Variants in WAC observed in about 807,000 individuals in gnomAD.
WAC encodes the protein WW domain containing adaptor with coiled-coil, also known as WW domain-containing adapter protein with coiled-coil.
A neutral mutation model predicts 79.6 loss-of-function variants in WAC; 11 were observed. The ratio of observed to expected loss-of-function variants is 0.14; its 90% CI spans 0.09 to 0.23. The LOEUF is 0.23. WAC is among the 10% of genes least tolerant of loss of function. The pLI, the probability that WAC is intolerant of heterozygous loss-of-function variation, is 1.00. For missense variants in WAC, 728 were observed against 773.5 expected, an observed-to-expected ratio of 0.94 and a Z score of 0.70; for synonymous variants, 304 against 276.9, an observed-to-expected ratio of 1.10 and a Z score of -0.97.
chr10:28,569,038 C>T (rs1838803865), intron 3 of WAC, among the ~76,000 whole-genome samples: 1 of 152,086 alleles, frequency 6.6e-6, no homozygotes, highest in Admixed American at 6.6e-5. Context: ...GTGTAAGAGG[C>T]ACATTTATTG....
chr10:28,613,425 G>A (rs767819616), intron 10 of WAC, among the ~76,000 whole-genome samples: 7 of 151,958 alleles, frequency 4.6e-5, no homozygotes, highest in Non-Finnish European at 1.0e-4. Context: ...AATCACCTGC[G>A]CCTGGGAATT....
rs76913662 is a variant in WAC at position 28,619,773 on chromosome 10, T to C, written c.*167T>C. The C allele has an allele frequency of 2.4e-3, 1,259 of 522,068 alleles. 12 individuals carry two copies. The highest frequency in any genetic ancestry group is 0.024 in the African/African-American group (1,176 of 49,696). 32.3% of individuals were successfully genotyped at this position (522,068 alleles called of 1,614,324 possible). On this transcript the variant is annotated 3_prime_UTR_variant, in exon 14 of 14. Transcript: ENST00000354911. ...GTCAATTCAGGGGAAAGATACAAGA[T>C]TGATTTGTAAAACCCTTGAAATGTA...
At chr10:28,561,942 T>C (rs1412241399) in intron 3 of WAC, among the ~76,000 whole-genome samples, 3 of 152,150 alleles carry the variant, frequency 2.0e-5, no homozygotes, top group Non-Finnish European at 4.4e-5. Flanking sequence ...TCTACCCTCA[T>C]TGAATTGGAA....
chr10:28,538,815 GGTT>G (rs1387683238), intron 3 of WAC, among the ~76,000 whole-genome samples: 1 of 148,038 alleles, frequency 6.8e-6, no homozygotes, highest in Non-Finnish European at 1.5e-5. Context: ...AGTGAGCTGT[GGTT>G]GTGCCACCAC....
At chr10:28,572,553 T>A (rs1839032214) in intron 3 of WAC, among the ~76,000 whole-genome samples, 1 of 152,042 alleles carries the variant, frequency 6.6e-6, no homozygotes, top group South Asian at 2.1e-4. Context: ...GGCTCACACC[T>A]GTAATCCCAC....
intron 7 of WAC, among the ~76,000 whole-genome samples, chr10:28,604,941 A>G (rs1840866076): frequency 6.6e-6 from 1 of 152,248 alleles, no homozygotes; most frequent in South Asian, 2.1e-4. Context: ...ACCTCTCAGA[A>G]TAGCATTTTA....
chr10:28,595,796 G>A lies in WAC; in HGVS notation c.674G>A (p.Ser225Asn). ...LLPQNILSQT[S>N]RHNDRDYRLP... ...CCACAGAATATTTTGTCTCAAACAA[G>A]CAGACACAATGACAGAGACTACAGA... The change falls in exon 7 of 14, where the codon AGC becomes AAC. Residue 225 changes from serine to asparagine, a missense_variant. Coordinates refer to ENST00000354911, the MANE Select transcript of WAC (RefSeq NM_016628.5). 1.2e-6 allele frequency: 2 copies of A among 1,614,074 alleles called. No homozygotes were observed. Among genetic ancestry groups the A allele is most frequent in the South Asian group, 2.2e-5 (2 of 91,080 alleles).
intron 6 of WAC, among the ~76,000 whole-genome samples, chr10:28,594,127 T>C (rs752245319): frequency 5.9e-5 from 9 of 152,298 alleles, no homozygotes; most frequent in Non-Finnish European, 1.2e-4. Flanking sequence ...AGAAAGCTGT[T>C]ACAGCTATAG....
At chr10:28,535,786 C>T (rs749648133) in intron 3 of WAC, 29 bp downstream of exon 3, 5 of 1,572,104 alleles carry the variant, frequency 3.2e-6, no homozygotes, top group African/African-American at 1.4e-5. Context: ...GAAACTTTGA[C>T]ATACAGTTTT....
At chr10:28,599,815 G>A (rs1840553352) in intron 7 of WAC, among the ~76,000 whole-genome samples, 1 of 152,094 alleles carries the variant, frequency 6.6e-6, no homozygotes, top group South Asian at 2.1e-4. Flanking sequence ...AAGGGAGTGA[G>A]GTGACCCCAT....
chr10:28,533,761 C>A (rs1320804666), intron 1 of WAC, 141 bp downstream of exon 1: 5 of 775,024 alleles, frequency 6.5e-6, no homozygotes, highest in Middle Eastern at 8.2e-4. Context: ...GGAGCGGCCG[C>A]GCGGGCGGGC....
At position 28,608,311 on chromosome 10, in the gene WAC, C is replaced by A; in HGVS notation, c.1045C>A (p.Pro349Thr). ...TTCAGCGGTCCCTGTTTCTCCTGTTCCACAGTCGCCAATACCTCCCTTACT... is the reference window on the plus strand; with the variant it reads ...TTCAGCGGTCCCTGTTTCTCCTGTTACACAGTCGCCAATACCTCCCTTACT... ...SASAVPVSPV[P>T]QSPIPPLLQD... Residue 349 changes from proline to threonine, a missense_variant, in exon 8 of 14, where the codon CCA becomes ACA. By Grantham distance (38) the Pro-to-Thr change is conservative (BLOSUM62 -1). This residue lies in a region of WAC where 648 missense variants were observed against 661.5 expected (regional missense o/e 0.98). Transcript: ENST00000354911. 1 of 1,614,160 alleles carries A rather than the reference C, an allele frequency of 6.2e-7. No homozygotes were observed. The highest frequency in any genetic ancestry group is 8.5e-7 in the Non-Finnish European group (1 of 1,180,016).
At position 28,620,311 on chromosome 10, in the gene WAC, T is replaced by G. The variant is rs1291976223; in HGVS notation, c.*705T>G. On this transcript the variant is annotated 3_prime_UTR_variant, in exon 14 of 14. Coordinates refer to ENST00000354911, the MANE Select transcript of WAC (RefSeq NM_016628.5). ...ATTCCTGTGTACAGTAGCTTAAAAT[T>G]GCAGTGATTGAGCATAACCTACTTG... 1.3e-5 allele frequency: 2 copies of G among 152,658 alleles called. No homozygotes were observed. The highest frequency in any genetic ancestry group is 2.9e-5 in the Non-Finnish European group (2 of 68,050). The allele number at this position is 152,658 out of a possible 1,614,324, so 9.5% of individuals were successfully genotyped here. A position where few individuals can be genotyped will look rare whatever the true frequency, so the allele number is the denominator to read the frequency against.
At chr10:28,545,169 T>G (rs1837286902) in intron 3 of WAC, among the ~76,000 whole-genome samples, 1 of 151,768 alleles carries the variant, frequency 6.6e-6, no homozygotes, top group African/African-American at 2.4e-5. Context: ...TTACCCAGAA[T>G]CAAAGCAATA....
At chr10:28,605,150 C>T (rs1376277512) in intron 7 of WAC, among the ~76,000 whole-genome samples, 1 of 152,206 alleles carries the variant, frequency 6.6e-6, no homozygotes, top group Non-Finnish European at 1.5e-5. Context: ...GCTTCTGTCC[C>T]TGATCGTATC....
intron 7 of WAC, among the ~76,000 whole-genome samples, chr10:28,605,655 G>T (rs1173660297): frequency 6.6e-6 from 1 of 152,090 alleles, no homozygotes; most frequent in Non-Finnish European, 1.5e-5. Context: ...ATGATGATGT[G>T]TATTTTTTTT....
In WAC at chr10:28,608,222, G is replaced by C; in HGVS notation, c.956G>C (p.Cys319Ser). Residue 319 changes from cysteine (C) to serine (S), a missense_variant, in exon 8 of 14, where the codon TGC (cysteine) becomes TCC (serine). Around this residue, in one of 3 missense-constraint regions of WAC, gnomAD observed 648 missense variants for 661.5 expected, o/e 0.98. Transcript: ENST00000354911. ...GGAGACAAACCCGTATCACATTCTTGCACAACTCCTTCCACGTCTTCTGCC... is the reference window on the plus strand; with the variant it reads ...GGAGACAAACCCGTATCACATTCTTCCACAACTCCTTCCACGTCTTCTGCC... ...TSGDKPVSHSCTTPSTSSASG... is the reference protein window; with the variant it reads ...TSGDKPVSHSSTTPSTSSASG... The C allele has an allele frequency of 6.2e-7, 1 of 1,614,028 alleles. No homozygotes were observed. Among genetic ancestry groups the C allele is most frequent in the Non-Finnish European group, 8.5e-7 (1 of 1,180,004 alleles).
At chr10:28,561,565 T>G (rs1838300439) in intron 3 of WAC, among the ~76,000 whole-genome samples, 1 of 151,974 alleles carries the variant, frequency 6.6e-6, no homozygotes, top group South Asian at 2.1e-4. Flanking sequence ...AATTTGACCC[T>G]GTGGGAAAAA....
chr10:28,616,229 C>T lies in WAC; in HGVS notation c.1613C>T (p.Ser538Leu). The T allele has an allele frequency of 1.2e-6, 2 of 1,613,672 alleles. No individual in the cohort carries two copies. The highest frequency in any genetic ancestry group is 1.7e-6 in the Non-Finnish European group (2 of 1,179,774). Residue 538 changes from serine to leucine, a missense_variant, in exon 12 of 14, where the codon TCA becomes TTA. By Grantham distance (145) the Ser-to-Leu change is moderately radical (BLOSUM62 -2). Around this residue, in one of 3 missense-constraint regions of WAC, gnomAD observed 648 missense variants for 661.5 expected, o/e 0.98. Transcript: ENST00000354911. The part of the protein sequence containing the change: ...PNHTSNSSNA[S>L]NATVVPQNSS... ...CATACTTCTAATAGTAGTAATGCATCAAATGCAACAGTTGTACCACAGAAT... is the reference window on the plus strand; with the variant it reads ...CATACTTCTAATAGTAGTAATGCATTAAATGCAACAGTTGTACCACAGAAT...
Sources: gnomAD v4.1 joint callset for allele counts (sites outside exome capture counted in the v4.1 genomes callset) on GRCh38, gnomAD v4.1.1 for gene constraint, gnomAD v4.1.1 regional missense constraint, MANE v1.5 for transcripts, NCBI Gene and HGNC (gene_info 2026-07-23, HGNC 2026-07-21) for gene names.